DPP10: variants seen among roughly 807,000 people sequenced by gnomAD.
The protein encoded by DPP10 is inactive dipeptidyl peptidase 10.
DPP10 carries 33 observed loss-of-function variants against 120.9 expected under a neutral mutation model. The observed-to-expected ratio is 0.27, with a 90% CI of 0.21 to 0.37. The LOEUF (loss-of-function observed/expected upper bound fraction) is 0.37, where lower values mean the gene tolerates loss of function less well. DPP10 is among the 10% of genes least tolerant of loss of function. The pLI is 1.00. For missense variants in DPP10, 816 were observed against 942.8 expected, an observed-to-expected ratio of 0.87 and a Z score of 1.76; for synonymous variants, 337 against 326.1, an observed-to-expected ratio of 1.03 and a Z score of -0.36.
intron 5 of DPP10, among the ~76,000 whole-genome samples, chr2:115,616,519 C>A (rs1389811115): frequency 1.3e-5 from 2 of 151,722 alleles, no homozygotes; most frequent in African/African-American, 4.8e-5. Context: ...AGCACATTTC[C>A]AATTTTGCCA....
At chr2:115,390,982 G>C (rs1313037890) in intron 3 of DPP10, among the ~76,000 whole-genome samples, 1 of 152,096 alleles carries the variant, frequency 6.6e-6, no homozygotes, top group African/African-American at 2.4e-5. Context: ...ATGACTGACA[G>C]AGATCCTAGT....
At chr2:114,664,643 A>G (rs1483885264) in intron 1 of DPP10, among the ~76,000 whole-genome samples, 59 of 144,748 alleles carry the variant, frequency 4.1e-4, no homozygotes, top group African/African-American at 1.4e-3. Flanking sequence ...AAAAAAAAAA[A>G]AAAAAGAAAG....
At chr2:115,456,665 A>T (rs1232799636) in intron 3 of DPP10, among the ~76,000 whole-genome samples, 1 of 152,170 alleles carries the variant, frequency 6.6e-6, no homozygotes, top group Admixed American at 6.6e-5. Flanking sequence ...TTGGAGGGAC[A>T]TGGATGAAGC....
intron 2 of DPP10, among the ~76,000 whole-genome samples, chr2:115,320,154 G>T (rs2061990249): frequency 6.6e-6 from 1 of 151,792 alleles, no homozygotes; most frequent in African/African-American, 2.4e-5. Context: ...AACAATTTTT[G>T]ACTTAAAGTC....
At chr2:115,749,683 G>T (rs2149733666) in intron 10 of DPP10, among the ~76,000 whole-genome samples, 1 of 152,308 alleles carries the variant, frequency 6.6e-6, no homozygotes, top group Admixed American at 6.5e-5. Context: ...TAGAACGCTA[G>T]CTATAATTTG....
At chr2:115,768,451 C>G (rs1373990286) in intron 13 of DPP10, 47 bp downstream of exon 13, 1 of 1,531,792 alleles carries the variant, frequency 6.5e-7, no homozygotes, top group Non-Finnish European at 9.0e-7. Flanking sequence ...GTCCTCATGT[C>G]CCCGAAGGCC....
intron 1 of DPP10, among the ~76,000 whole-genome samples, chr2:115,284,625 G>A (rs1460633965): frequency 6.6e-6 from 1 of 151,970 alleles, no homozygotes; most frequent in Non-Finnish European, 1.5e-5. Flanking sequence ...CTGTTGTTAG[G>A]AGGTAGCTAT....
chr2:115,656,349 T>C (rs1242390580), intron 5 of DPP10, among the ~76,000 whole-genome samples: 1 of 151,668 alleles, frequency 6.6e-6, no homozygotes, highest in Non-Finnish European at 1.5e-5. Context: ...GTTCATACAT[T>C]GTGTTAGTTT....
At chr2:114,521,182 C>T (rs1214212874) in intron 1 of DPP10, among the ~76,000 whole-genome samples, 2 of 151,462 alleles carry the variant, frequency 1.3e-5, no homozygotes, top group African/African-American at 4.9e-5. Context: ...TTGCAAAAGA[C>T]ATAAAATTAA....
At chr2:115,531,897 G>A (rs780395116) in intron 5 of DPP10, among the ~76,000 whole-genome samples, 1 of 151,976 alleles carries the variant, frequency 6.6e-6, no homozygotes, top group Non-Finnish European at 1.5e-5. Context: ...ACTGTTTTGT[G>A]TATCTCTTAT....
At chr2:115,240,945 A>G (rs1345007088) in intron 1 of DPP10, among the ~76,000 whole-genome samples, 2 of 152,206 alleles carry the variant, frequency 1.3e-5, no homozygotes, top group African/African-American at 4.8e-5. Context: ...GTACTAAATG[A>G]TACCAGAGAC....
intron 1 of DPP10, among the ~76,000 whole-genome samples, chr2:115,123,752 T>G (rs1397628337): frequency 1.3e-5 from 2 of 152,154 alleles, no homozygotes; most frequent in Non-Finnish European, 2.9e-5. Flanking sequence ...AGCCCTCTCC[T>G]GCTGTGCTCA....
chr2:115,678,564 G>T (rs750296835), intron 5 of DPP10, among the ~76,000 whole-genome samples: 2 of 152,064 alleles, frequency 1.3e-5, no homozygotes, highest in Non-Finnish European at 2.9e-5. Flanking sequence ...TACTGCAGGG[G>T]TGCAGTCCTC....
chr2:115,325,649 T>G (rs78746939), intron 2 of DPP10, among the ~76,000 whole-genome samples: 1,885 of 152,230 alleles, frequency 0.012, 9 homozygotes, highest in African/African-American at 0.019. Context: ...AAAATGTGTA[T>G]TAATTTATTT....
chr2:115,026,455 G>A (rs531818692), intron 1 of DPP10, among the ~76,000 whole-genome samples: 11 of 152,198 alleles, frequency 7.2e-5, no homozygotes, highest in Non-Finnish European at 1.6e-4. Flanking sequence ...TATGATGCCT[G>A]CAGCTTTGTT....
chr2:115,050,980 A>C (rs1425659825), intron 1 of DPP10, among the ~76,000 whole-genome samples: 1 of 152,210 alleles, frequency 6.6e-6, no homozygotes, highest in African/African-American at 2.4e-5. Flanking sequence ...CTAAACAAAC[A>C]ATCACCATAA....
intron 1 of DPP10, among the ~76,000 whole-genome samples, chr2:115,137,162 C>A (rs879554461): frequency 1.2e-3 from 180 of 152,230 alleles, no homozygotes; most frequent in Non-Finnish European, 1.2e-3. Flanking sequence ...AAGGGCATAT[C>A]CAGCATCACC....
At chr2:114,559,617 C>T (rs1489047375) in intron 1 of DPP10, among the ~76,000 whole-genome samples, 1 of 152,110 alleles carries the variant, frequency 6.6e-6, no homozygotes, top group Non-Finnish European at 1.5e-5. Context: ...CTCTCGCCAT[C>T]CCTGTTCCCT....
chr2:115,097,087 T>C (rs2048436469), intron 1 of DPP10, among the ~76,000 whole-genome samples: 1 of 152,136 alleles, frequency 6.6e-6, no homozygotes, highest in Non-Finnish European at 1.5e-5. Context: ...GCCAGTCTGG[T>C]AGAGATTAAA....
Sources: gnomAD v4.1 joint callset for allele counts (sites outside exome capture counted in the v4.1 genomes callset) on GRCh38, gnomAD v4.1.1 for gene constraint, MANE v1.5 for transcripts, NCBI Gene and HGNC (gene_info 2026-07-23, HGNC 2026-07-21) for gene names.